The following SCAPER variants were observed in gnomAD, a reference collection of about 807,000 sequenced individuals.
The protein encoded by SCAPER is S phase cyclin A-associated protein in the endoplasmic reticulum.
SCAPER carries 98 observed loss-of-function variants against 182.2 expected under a neutral mutation model. That is an observed-to-expected ratio of 0.54 (90% CI 0.46 to 0.64). The LOEUF (loss-of-function observed/expected upper bound fraction) is 0.64, where lower values mean the gene tolerates loss of function less well. Ranked by LOEUF, SCAPER falls within the 30% of genes least tolerant of loss-of-function variation. The pLI is 0.00. For synonymous variants in SCAPER, 605 were observed against 564.6 expected (o/e 1.07, Z -1.01); for missense variants, 1,432 against 1,690.0 (o/e 0.85, Z 2.68).
At chr15:76,591,921 A>T (rs2049143942) in intron 22 of SCAPER, among the ~76,000 whole-genome samples, 1 of 152,066 alleles carries the variant, frequency 6.6e-6, no homozygotes, top group African/African-American at 2.4e-5. Flanking sequence ...TTATCCAGAC[A>T]GGGTGGCGCA....
intron 24 of SCAPER, among the ~76,000 whole-genome samples, chr15:76,476,595 A>ATTTTTTTTTTTTTT (rs5813839): frequency 2.7e-5 from 2 of 73,498 alleles, no homozygotes; most frequent in African/African-American, 5.3e-5. Flanking sequence ...CACCCAGCTA[A>ATTTTTTTTTTTTTT]TTTTTTTTTT....
chr15:76,818,597 A>T (rs1268706942), intron 5 of SCAPER, among the ~76,000 whole-genome samples: 1 of 152,240 alleles, frequency 6.6e-6, no homozygotes, highest in African/African-American at 2.4e-5. Flanking sequence ...AAACTCAACA[A>T]TAAGGGGGGT....
chr15:76,773,730 A>C (rs901886191), intron 9 of SCAPER, among the ~76,000 whole-genome samples: 10 of 151,888 alleles, frequency 6.6e-5, no homozygotes, highest in African/African-American at 2.4e-4. Context: ...GAAGATAAGG[A>C]ATTTGAGGAG....
At chr15:76,775,220 A>G in intron 8 of SCAPER, 103 bp from the exon 9 acceptor site, 2 of 973,594 alleles carry the variant, frequency 2.1e-6, no homozygotes, top group South Asian at 3.6e-5. Flanking sequence ...CCCAACAAAT[A>G]TAACTAATAT....
chr15:76,370,512 T>C (rs1311641587), intron 29 of SCAPER, among the ~76,000 whole-genome samples: 1 of 151,898 alleles, frequency 6.6e-6, no homozygotes, highest in Non-Finnish European at 1.5e-5. Flanking sequence ...GCCATGTTGG[T>C]CAGGCTGATC....
At chr15:76,524,689 G>GTTTGTTTTTTTT (rs2043058673) in intron 23 of SCAPER, among the ~76,000 whole-genome samples, 2 of 50,114 alleles carry the variant, frequency 4.0e-5, no homozygotes, top group Non-Finnish European at 7.0e-5. Flanking sequence ...TTTTTGTTCT[G>GTTTGTTTTTTTT]TTTTTTTTTT....
intron 23 of SCAPER, among the ~76,000 whole-genome samples, chr15:76,563,810 A>G (rs1212197838): frequency 6.6e-6 from 1 of 152,214 alleles, no homozygotes; most frequent in Admixed American, 6.5e-5. Flanking sequence ...AAGCTTATCC[A>G]CCATGATGAA....
At chr15:76,853,393 A>G (rs1042218245) in intron 4 of SCAPER, among the ~76,000 whole-genome samples, 1 of 152,196 alleles carries the variant, frequency 6.6e-6, no homozygotes, top group Non-Finnish European at 1.5e-5. Flanking sequence ...ACTTCAGGCC[A>G]GTATCTTTGA....
chr15:76,758,976 T>C (rs1598557613), intron 14 of SCAPER, among the ~76,000 whole-genome samples: 1 of 129,130 alleles, frequency 7.7e-6, no homozygotes, highest in Non-Finnish European at 1.9e-5. Context: ...TTTCTCAAAG[T>C]TTTTTGTGGA....
intron 25 of SCAPER, among the ~76,000 whole-genome samples, chr15:76,469,281 T>C (rs1323180389): frequency 6.8e-6 from 1 of 147,844 alleles, no homozygotes; most frequent in East Asian, 2.0e-4. Flanking sequence ...TATGAAATGA[T>C]AGGAGAGCAT....
chr15:76,718,038 T>C (rs1273716460), intron 17 of SCAPER, among the ~76,000 whole-genome samples: 1 of 152,180 alleles, frequency 6.6e-6, no homozygotes, highest in African/African-American at 2.4e-5. Flanking sequence ...AAACAAGTCG[T>C]CTTAACAAAT....
At chr15:76,611,161 G>A (rs968288155) in intron 22 of SCAPER, among the ~76,000 whole-genome samples, 2 of 151,958 alleles carry the variant, frequency 1.3e-5, no homozygotes, top group Admixed American at 1.3e-4. Flanking sequence ...ATGCAATGGA[G>A]AAAGAATAGT....
intron 25 of SCAPER, among the ~76,000 whole-genome samples, chr15:76,434,720 T>C (rs2047083661): frequency 6.6e-6 from 1 of 152,198 alleles, no homozygotes; most frequent in Non-Finnish European, 1.5e-5. Context: ...TACAGTGTAT[T>C]AAAAAAATCT....
chr15:76,808,782 G>A (rs1199753094), intron 5 of SCAPER, among the ~76,000 whole-genome samples: 1 of 152,150 alleles, frequency 6.6e-6, no homozygotes, highest in Non-Finnish European at 1.5e-5. Flanking sequence ...TATAGATTAC[G>A]CATCTGCCAG....
chr15:76,745,654 C>T (rs893182798), intron 15 of SCAPER, among the ~76,000 whole-genome samples: 1 of 152,144 alleles, frequency 6.6e-6, no homozygotes, highest in South Asian at 2.1e-4. Flanking sequence ...AGTTGACCAT[C>T]CATCTCTATG....
chr15:76,563,185 C>CCT (rs1170873600), intron 23 of SCAPER, among the ~76,000 whole-genome samples: 1 of 152,098 alleles, frequency 6.6e-6, no homozygotes, highest in African/African-American at 2.4e-5. Flanking sequence ...CTGACAATGT[C>CCT]CTATTTCTCA....
intron 26 of SCAPER, among the ~76,000 whole-genome samples, chr15:76,426,335 C>A (rs772248683): frequency 6.6e-6 from 1 of 152,226 alleles, no homozygotes; most frequent in Non-Finnish European, 1.5e-5. Context: ...AGCCTCTTTG[C>A]TGCCTTGCAG....
intron 22 of SCAPER, among the ~76,000 whole-genome samples, chr15:76,577,291 A>T (rs1418692672): frequency 6.6e-6 from 1 of 152,110 alleles, no homozygotes; most frequent in African/African-American, 2.4e-5. Context: ...AGCAAAAAAT[A>T]CAAAAATTAG....
rs184508376 is a variant in SCAPER, at chr15:76,854,324, C to T, written c.195+3485G>A. On this transcript the variant is annotated intron_variant, in intron 4 of 31. Coordinates refer to ENST00000563290, the MANE Select transcript of SCAPER (RefSeq NM_020843.4). The stretch of plus-strand genomic sequence containing the variant: ...TTCTTATACACAACAACAGCCAAGC[C>T]GAGAGTCAAATCAGGAATGCAATCC... 1.4e-3 allele frequency among the ~76,000 whole-genome samples: 208 copies of T among 151,788 alleles called. 1 individual carries two copies. The highest frequency in any genetic ancestry group is 2.4e-3 in the Non-Finnish European group (160 of 67,868).
Sources: allele counts gnomAD v4.1 joint callset (sites outside exome capture counted in the v4.1 genomes callset), GRCh38; gene constraint gnomAD v4.1.1; transcripts MANE v1.5; gene names NCBI Gene and HGNC (gene_info 2026-07-23, HGNC 2026-07-21).